Variants in EPB41L3 observed in about 807,000 individuals in gnomAD.
EPB41L3 encodes the protein erythrocyte membrane protein band 4.1 like 3.
EPB41L3 carries 57 observed loss-of-function variants against 127.1 expected under a neutral mutation model. The observed-to-expected ratio is 0.45, with a 90% confidence interval of 0.36 to 0.56. The LOEUF (loss-of-function observed/expected upper bound fraction) is 0.56, where lower values mean the gene tolerates loss of function less well. Among genes scored for constraint, EPB41L3 ranks in the 20% least tolerant of loss-of-function variants. The pLI, the probability that EPB41L3 is intolerant of heterozygous loss-of-function variation, is 0.00. For synonymous variants in EPB41L3, 572 were observed against 549.5 expected (o/e 1.04, Z -0.57); for missense variants, 1,273 against 1,372.2 (o/e 0.93, Z 1.14).
At chr18:5,477,889 T>C (rs1224123160) in intron 3 of EPB41L3, among the ~76,000 whole-genome samples, 2 of 152,152 alleles carry the variant, frequency 1.3e-5, no homozygotes, top group African/African-American at 2.4e-5. Flanking sequence ...GACATGGCCA[T>C]AAATTATGCA....
At chr18:5,401,411 A>G (rs56204889) in intron 16 of EPB41L3, among the ~76,000 whole-genome samples, 13,074 of 152,182 alleles carry the variant, frequency 0.086, 1,162 homozygotes, top group African/African-American at 0.23. Context: ...AAAAGTGGGT[A>G]TTTAAAATAA....
At chr18:5,571,663 A>C (rs2094282567) in intron 3 of EPB41L3, among the ~76,000 whole-genome samples, 1 of 152,224 alleles carries the variant, frequency 6.6e-6, no homozygotes, top group Non-Finnish European at 1.5e-5. Flanking sequence ...TTTTTGGAGA[A>C]AGATTTTTAT....
chr18:5,468,949 AC>A lies in EPB41L3; in HGVS notation c.381+9291del, dbSNP rs1187488020. Among the ~76,000 whole-genome samples the A allele has an allele frequency of 2.6e-4, 34 of 128,384 alleles. No individual in the cohort carries two copies. The East Asian group carries it at 4.8e-3, about 18-fold the overall frequency. 84.2% of individuals were successfully genotyped at this position (128,384 alleles called of 152,430 possible). On this transcript the variant is annotated intron_variant, in intron 3 of 22. Transcript: ENST00000341928. Reference sequence around the variant, plus strand: ...AAACAAAAAACAAACAAACAAACAAACAAACAAAAAACAAAAAACAAAAAGA... The same window carrying A: ...AAACAAAAAACAAACAAACAAACAAAAAACAAAAAACAAAAAACAAAAAGA...
At chr18:5,442,935 C>G (rs2080995233) in intron 5 of EPB41L3, among the ~76,000 whole-genome samples, 1 of 152,104 alleles carries the variant, frequency 6.6e-6, no homozygotes, top group Admixed American at 6.6e-5. Flanking sequence ...TAATATTTTG[C>G]AAACTGATTT....
In EPB41L3 at chr18:5,428,347, C is replaced by G; in HGVS notation, c.1031G>C (p.Arg344Pro). The change falls in exon 9 of 23, where the codon CGG (arginine) becomes CCG (proline). Residue 344 changes from arginine to proline, a missense_variant. Physicochemically the swap from Arg to Pro is moderately radical, Grantham distance 103. This residue lies in a region of EPB41L3 where 326 missense variants were observed against 440.2 expected (regional missense o/e 0.74). Coordinates refer to ENST00000341928, the MANE Select transcript of EPB41L3 (RefSeq NM_012307.5). ...CCGGATCTTAATGTAAAAGTTGTTC[C>G]GTTTGTATGAAATCTTTAGAACCTT... ...WPKVLKISYKRNNFYIKIRPG... is the reference protein window; with the variant it reads ...WPKVLKISYKPNNFYIKIRPG... The G allele has an allele frequency of 6.2e-7, 1 of 1,614,130 alleles. No individual in the cohort carries two copies. The highest frequency in any genetic ancestry group is 8.5e-7 in the Non-Finnish European group (1 of 1,180,024).
chr18:5,400,681 C>T, intron 16 of EPB41L3: 1 of 486,264 alleles, frequency 2.1e-6, no homozygotes, highest in Non-Finnish European at 3.9e-6. Context: ...TAAAAACAGG[C>T]AGTAAAACAA....
At position 5,416,190 on chromosome 18, in the gene EPB41L3, G is replaced by A. The variant is rs754368851; in HGVS notation, c.1695C>T (p.Tyr565=). 9 of 1,614,122 alleles carry A rather than the reference G, an allele frequency of 5.6e-6. No homozygotes were observed. The East Asian group carries it at 1.8e-4, about 32-fold the overall frequency. ...TAAAAGCCACATCTTGATCCCCTAG[G>A]TAAGGCCTCCCTGGGCCATCAGAGT... The part of the protein sequence containing the change: ...ALDSDGPGRP[Y]LGDQDVAFSY... Residue 565 remains tyrosine, a synonymous_variant, in exon 13 of 23, where the codon TAC becomes TAT. Transcript: ENST00000341928.
At chr18:5,627,351 A>G (rs1456868611) in intron 1 of EPB41L3, among the ~76,000 whole-genome samples, 1 of 152,176 alleles carries the variant, frequency 6.6e-6, no homozygotes, top group Admixed American at 6.5e-5. Context: ...TTTCTCTAAA[A>G]TGGAATCAAA....
At chr18:5,574,489 G>A (rs1463449222) in intron 3 of EPB41L3, among the ~76,000 whole-genome samples, 1 of 146,670 alleles carries the variant, frequency 6.8e-6, no homozygotes, top group Admixed American at 6.9e-5. Flanking sequence ...TTTTTTTTAA[G>A]TGTAATCTTC....
intron 3 of EPB41L3, among the ~76,000 whole-genome samples, chr18:5,571,624 C>T (rs2094281865): frequency 1.3e-5 from 2 of 152,178 alleles, no homozygotes; most frequent in Admixed American, 6.5e-5. Context: ...AATCATATCC[C>T]ACATTGGTTT....
intron 2 of EPB41L3, chr18:5,481,027 G>T (rs1239140688): frequency 6.6e-6 from 1 of 152,066 alleles, no homozygotes; most frequent in East Asian, 1.9e-4. Context: ...AAAAAGAAAA[G>T]GTAAAAGAAA....
At chr18:5,566,859 G>C (rs1353513481) in intron 3 of EPB41L3, among the ~76,000 whole-genome samples, 1 of 151,232 alleles carries the variant, frequency 6.6e-6, no homozygotes, top group Non-Finnish European at 1.5e-5. Context: ...AGGCTTGAGA[G>C]TGCAGTGGCG....
chr18:5,428,857 T>C (rs2078586533), intron 8 of EPB41L3, among the ~76,000 whole-genome samples: 1 of 152,222 alleles, frequency 6.6e-6, no homozygotes, highest in Non-Finnish European at 1.5e-5. Context: ...TGGTCACTAT[T>C]ATTATTCCCA....
intron 5 of EPB41L3, among the ~76,000 whole-genome samples, chr18:5,439,868 T>A (rs1357860571): frequency 6.6e-6 from 1 of 152,258 alleles, no homozygotes; most frequent in Non-Finnish European, 1.5e-5. Flanking sequence ...GGATTAGTTA[T>A]GGGAAATGGA....
At chr18:5,473,898 T>G (rs2086636764) in intron 3 of EPB41L3, among the ~76,000 whole-genome samples, 1 of 152,100 alleles carries the variant, frequency 6.6e-6, no homozygotes, top group South Asian at 2.1e-4. Flanking sequence ...TTTTCTTATA[T>G]TTTAAATAAT....
At chr18:5,393,539 C>A in intron 22 of EPB41L3, 61 bp from the exon 23 acceptor site, 1 of 694,172 alleles carries the variant, frequency 1.4e-6, no homozygotes, top group Non-Finnish European at 2.6e-6. Context: ...TTTCTCAGAT[C>A]AAGGACACAA....
At chr18:5,437,949 G>A in intron 6 of EPB41L3, 86 bp downstream of exon 6, 1 of 1,183,094 alleles carries the variant, frequency 8.5e-7, no homozygotes, top group Non-Finnish European at 1.2e-6. Context: ...AAGGCTACCA[G>A]ATGTAAGCAC....
chr18:5,546,893 C>CTTCA (rs1422747413), upstream of EPB41L3, among the ~76,000 whole-genome samples: 4 of 152,198 alleles, frequency 2.6e-5, no homozygotes, highest in Non-Finnish European at 5.9e-5. Flanking sequence ...AAGCCAAGCA[C>CTTCA]TTCACATTTT....
chr18:5,506,020 AC>A (rs1249195388), intron 1 of EPB41L3, among the ~76,000 whole-genome samples: 1 of 139,696 alleles, frequency 7.2e-6, no homozygotes, highest in Non-Finnish European at 1.6e-5. Context: ...CTTCACCTCC[AC>A]CCCTCCCTGC....
Sources: gnomAD v4.1 joint callset for allele counts (sites outside exome capture counted in the v4.1 genomes callset) on GRCh38, gnomAD v4.1.1 for gene constraint, gnomAD v4.1.1 regional missense constraint, MANE v1.5 for transcripts, NCBI Gene and HGNC (gene_info 2026-07-23, HGNC 2026-07-21) for gene names.